POLH: variants seen among roughly 807,000 people sequenced by gnomAD.
The protein encoded by POLH is DNA polymerase eta transcript.
POLH carries 53 observed loss-of-function variants against 73.6 expected under a neutral mutation model. The observed-to-expected ratio is 0.72, with a 90% CI of 0.58 to 0.91. The LOEUF (loss-of-function observed/expected upper bound fraction) is 0.91, where lower values mean the gene tolerates loss of function less well. Ranked by LOEUF, POLH falls within the 40% of genes least tolerant of loss-of-function variation. The pLI, the probability that POLH is intolerant of heterozygous loss-of-function variation, is 0.00. For synonymous variants in POLH, 292 were observed against 308.5 expected (o/e 0.95, Z 0.56); for missense variants, 768 against 865.4 (o/e 0.89, Z 1.41).
chr6:43,599,332 T>G (rs530581825), intron 5 of POLH, among the ~76,000 whole-genome samples: 1 of 152,278 alleles, frequency 6.6e-6, no homozygotes, highest in East Asian at 1.9e-4. Flanking sequence ...TGGAATTGCC[T>G]GGGTATTTTA....
At chr6:43,592,313 G>C (rs566963269) in intron 4 of POLH, among the ~76,000 whole-genome samples, 1 of 152,064 alleles carries the variant, frequency 6.6e-6, no homozygotes, top group South Asian at 2.1e-4. Flanking sequence ...GTAATACCTT[G>C]ATACTGAGCT....
At chr6:43,592,589 TTTTTTTTAGTAGAGACGGG>T (rs1193493947) in intron 4 of POLH, among the ~76,000 whole-genome samples, 1 of 151,564 alleles carries the variant, frequency 6.6e-6, no homozygotes, top group Non-Finnish European at 1.5e-5. Context: ...TTTTTTTGTA[TTTTTTTTAGTAGAGACGGG>T]GTTTCACCGT....
chr6:43,580,977 G>A (rs1474760357), intron 1 of POLH, among the ~76,000 whole-genome samples: 1 of 146,242 alleles, frequency 6.8e-6, no homozygotes, highest in African/African-American at 2.6e-5. Context: ...GGGGCGGCTG[G>A]CCGGGCGGGG....
chr6:43,597,985 A>C, intron 5 of POLH, 120 bp downstream of exon 5: 2 of 842,268 alleles, frequency 2.4e-6, no homozygotes, highest in Non-Finnish European at 4.0e-6. Context: ...CGCCTATGTG[A>C]GTGGATCGCG....
chr6:43,585,397 A>G (rs868391464), intron 3 of POLH, among the ~76,000 whole-genome samples: 2 of 152,060 alleles, frequency 1.3e-5, no homozygotes, highest in Admixed American at 6.6e-5. Context: ...TCCCCTCCCC[A>G]GAAGTTGAGG....
At chr6:43,612,173 T>TA (rs761689728) in intron 10 of POLH, among the ~76,000 whole-genome samples, 58 of 152,264 alleles carry the variant, frequency 3.8e-4, no homozygotes, top group Non-Finnish European at 6.2e-4. Context: ...CAAAACCAAA[T>TA]AACAACCGTG....
intron 3 of POLH, among the ~76,000 whole-genome samples, chr6:43,585,573 A>T (rs1764701614): frequency 6.6e-6 from 1 of 151,090 alleles, no homozygotes; most frequent in Non-Finnish European, 1.5e-5. Context: ...GACCGAATAT[A>T]TATTTCACAA....
chr6:43,618,037 A>G lies in POLH; in HGVS notation c.*3480A>G, dbSNP rs1768463313. On this transcript the variant is annotated 3_prime_UTR_variant, in exon 11 of 11. Transcript: ENST00000372236. ...CCCTTAAGTACAAATTTAAGAGGTAAGTGCTTCAGCCATTAGGGTTACTGG... is the reference window on the plus strand; with the variant it reads ...CCCTTAAGTACAAATTTAAGAGGTAGGTGCTTCAGCCATTAGGGTTACTGG... Among the ~76,000 whole-genome samples the G allele has an allele frequency of 6.6e-6, 1 of 152,234 alleles. No homozygotes were observed. Among genetic ancestry groups the G allele is most frequent in the Non-Finnish European group, 1.5e-5 (1 of 68,042 alleles).
intron 2 of POLH, 99 bp from the exon 3 acceptor site, chr6:43,582,908 A>C (rs1296672195): frequency 9.4e-7 from 1 of 1,062,846 alleles, no homozygotes. Flanking sequence ...GTGGTCAAAA[A>C]GTTTCTAATA....
At chr6:43,588,100 A>T (rs1420022154) in intron 4 of POLH, 1 of 164,996 alleles carries the variant, frequency 6.1e-6, no homozygotes, top group African/African-American at 2.4e-5. Context: ...TTATATTATT[A>T]TAACTTAGTG....
chr6:43,608,178 G>A (rs1278061897), intron 9 of POLH, among the ~76,000 whole-genome samples: 1 of 151,964 alleles, frequency 6.6e-6, no homozygotes, highest in East Asian at 1.9e-4. Flanking sequence ...TTTTAAATTG[G>A]GTTGTCTCTT....
At chr6:43,582,601 C>T in intron 2 of POLH, 145 bp downstream of exon 2, 1 of 843,386 alleles carries the variant, frequency 1.2e-6, no homozygotes, top group Non-Finnish European at 2.0e-6. Flanking sequence ...CATCAGCTCA[C>T]AGCAGCTTTG....
chr6:43,597,419 A>G (rs967371214), intron 4 of POLH, among the ~76,000 whole-genome samples: 3 of 152,144 alleles, frequency 2.0e-5, no homozygotes, highest in Non-Finnish European at 4.4e-5. Flanking sequence ...CTGGCCAAAA[A>G]TGTGTTTTAA....
At chr6:43,585,073 C>T (rs1582274987) in intron 3 of POLH, among the ~76,000 whole-genome samples, 1 of 152,018 alleles carries the variant, frequency 6.6e-6, no homozygotes, top group African/African-American at 2.4e-5. Context: ...GTGGGAGGGT[C>T]GCTTGAGCCC....
chr6:43,596,589 G>A (rs1480655493), intron 4 of POLH, among the ~76,000 whole-genome samples: 2 of 152,212 alleles, frequency 1.3e-5, no homozygotes, highest in African/African-American at 4.8e-5. Flanking sequence ...GCTGCATAAT[G>A]AGGAATGAAA....
At position 43,618,859 on chromosome 6, in the gene POLH, G is replaced by C. The variant is rs758384562; in HGVS notation, c.*4302G>C. On this transcript the variant is annotated 3_prime_UTR_variant, in exon 11 of 11. Coordinates refer to ENST00000372236, the MANE Select transcript of POLH (RefSeq NM_006502.3). ...TTGGCCAGGCTGGTCTTGAACTCTT[G>C]ATCTCAAGTGATCCACCCGCCCTGG... is the stretch of plus-strand genomic sequence containing the variant. Among the ~76,000 whole-genome samples, 5 of 150,914 alleles carry C rather than the reference G, an allele frequency of 3.3e-5. No individual in the cohort carries two copies. The highest frequency in any genetic ancestry group is 6.6e-5 in the Admixed American group (1 of 15,112).
chr6:43,595,004 C>T (rs1362663414), intron 4 of POLH, among the ~76,000 whole-genome samples: 8 of 151,960 alleles, frequency 5.3e-5, no homozygotes, highest in African/African-American at 1.5e-4. Context: ...TTGAGACCAT[C>T]CTTGGTGACA....
chr6:43,610,486 A>G, intron 9 of POLH, 68 bp from the exon 10 acceptor site: 2 of 1,279,942 alleles, frequency 1.6e-6, no homozygotes, highest in Admixed American at 1.7e-5. Context: ...CCTCTCCTGC[A>G]GTTCAGTACC....
chr6:43,592,637 G>A (rs1007272154), intron 4 of POLH, among the ~76,000 whole-genome samples: 2 of 151,990 alleles, frequency 1.3e-5, no homozygotes, highest in Non-Finnish European at 2.9e-5. Flanking sequence ...GCATGGTCTC[G>A]ATCTCCTGAC....
Sources: allele counts gnomAD v4.1 joint callset (sites outside exome capture counted in the v4.1 genomes callset), GRCh38; gene constraint gnomAD v4.1.1; transcripts MANE v1.5; gene names NCBI Gene and HGNC (gene_info 2026-07-23, HGNC 2026-07-21).